Variants in SYN3 observed in about 807,000 individuals in gnomAD.
SYN3 encodes synapsin-3.
A neutral mutation model predicts 65.8 loss-of-function variants in SYN3; 35 were observed. That is an observed-to-expected ratio of 0.53 (90% CI 0.41 to 0.70). The LOEUF is 0.70. SYN3 is among the 30% of genes least tolerant of loss of function. The pLI is 0.00. For synonymous variants in SYN3, 270 were observed against 292.9 expected (o/e 0.92, Z 0.80); for missense variants, 680 against 749.0 (o/e 0.91, Z 1.08).
At chr22:32,538,440 C>T (rs2058200331) in intron 8 of SYN3, among the ~76,000 whole-genome samples, 2 of 152,112 alleles carry the variant, frequency 1.3e-5, no homozygotes, top group South Asian at 4.1e-4. Flanking sequence ...GTGTGTATAG[C>T]CCCTGGTGAT....
chr22:32,744,329 A>C (rs1236809383), intron 6 of SYN3, among the ~76,000 whole-genome samples: 1 of 152,188 alleles, frequency 6.6e-6, no homozygotes, highest in African/African-American at 2.4e-5. Context: ...CCAGGAGCCC[A>C]GTCCAAGCTA....
chr22:32,883,735 C>A (rs191184563), intron 4 of SYN3, among the ~76,000 whole-genome samples: 2 of 152,326 alleles, frequency 1.3e-5, no homozygotes, highest in Admixed American at 1.3e-4. Context: ...CCATTCAGTG[C>A]ACATTTACTG....
intron 6 of SYN3, among the ~76,000 whole-genome samples, chr22:32,713,634 T>C (rs2060995756): frequency 1.3e-5 from 2 of 151,940 alleles, no homozygotes; most frequent in African/African-American, 4.8e-5. Flanking sequence ...ATCGAGACCA[T>C]CCTGGCTAAC....
intron 6 of SYN3, among the ~76,000 whole-genome samples, chr22:32,818,733 G>A (rs529949082): frequency 5.3e-5 from 8 of 152,274 alleles, no homozygotes; most frequent in East Asian, 1.9e-4. Context: ...CACTGTGGCC[G>A]GCCTAGGGGG....
At chr22:32,626,971 C>T (rs1265246501) in intron 6 of SYN3, among the ~76,000 whole-genome samples, 1 of 152,150 alleles carries the variant, frequency 6.6e-6, no homozygotes, top group East Asian at 1.9e-4. Context: ...GTGTTGTCTC[C>T]CTGCACCCCC....
At chr22:32,696,473 T>C (rs1161947583) in intron 6 of SYN3, among the ~76,000 whole-genome samples, 3 of 152,334 alleles carry the variant, frequency 2.0e-5, no homozygotes, top group Admixed American at 6.5e-5. Context: ...GAATTTTCTG[T>C]TATATTTTCA....
At chr22:32,611,345 G>A (rs578048499) in intron 6 of SYN3, among the ~76,000 whole-genome samples, 26 of 141,852 alleles carry the variant, frequency 1.8e-4, no homozygotes, top group African/African-American at 5.3e-4. Flanking sequence ...CCAGGCTGGA[G>A]TGCAATGGCA....
intron 6 of SYN3, among the ~76,000 whole-genome samples, chr22:32,817,847 T>C (rs1422557623): frequency 6.6e-6 from 1 of 152,180 alleles, no homozygotes; most frequent in Non-Finnish European, 1.5e-5. Flanking sequence ...TAATGAACAG[T>C]AGGGGACATA....
At chr22:32,745,879 C>T (rs1370545388) in intron 6 of SYN3, among the ~76,000 whole-genome samples, 2 of 152,138 alleles carry the variant, frequency 1.3e-5, no homozygotes, top group Admixed American at 6.5e-5. Context: ...AAAGAGAAGA[C>T]GCTCCAGCCA....
At chr22:32,576,169 C>G (rs1296652591) in intron 7 of SYN3, among the ~76,000 whole-genome samples, 4 of 152,120 alleles carry the variant, frequency 2.6e-5, no homozygotes, top group Admixed American at 2.6e-4. Context: ...ACAGGGCTCC[C>G]AAGTATTCCT....
intron 6 of SYN3, among the ~76,000 whole-genome samples, chr22:32,686,237 T>G (rs2147133281): frequency 6.6e-6 from 1 of 152,250 alleles, no homozygotes; most frequent in Admixed American, 6.5e-5. Context: ...CCTCAACAGG[T>G]GTCATGTGGG....
chr22:33,040,034 CT>C (rs578015047), intron 1 of SYN3, among the ~76,000 whole-genome samples: 9,954 of 144,088 alleles, frequency 0.069, 1,037 homozygotes, highest in African/African-American at 0.23. Flanking sequence ...CTTTTTTTTT[CT>C]TTTTTTTTTT....
chr22:32,904,464 G>A (rs1356898388), intron 4 of SYN3, among the ~76,000 whole-genome samples: 1 of 152,112 alleles, frequency 6.6e-6, no homozygotes, highest in Admixed American at 6.6e-5. Context: ...TCTGCTGAAT[G>A]CCACACTCTA....
At chr22:32,831,620 C>T (rs376940220) in intron 6 of SYN3, among the ~76,000 whole-genome samples, 9 of 152,132 alleles carry the variant, frequency 5.9e-5, no homozygotes, top group African/African-American at 1.9e-4. Flanking sequence ...CTTATCTTCT[C>T]GGCATTCTTT....
At chr22:32,628,896 T>C (rs1012745871) in intron 6 of SYN3, among the ~76,000 whole-genome samples, 10 of 152,190 alleles carry the variant, frequency 6.6e-5, no homozygotes, top group Non-Finnish European at 1.2e-4. Context: ...GGGCCTTTTC[T>C]CTGAAGGAAG....
chr22:32,836,060 C>T (rs1466855582), intron 6 of SYN3, among the ~76,000 whole-genome samples: 1 of 152,218 alleles, frequency 6.6e-6, no homozygotes, highest in Non-Finnish European at 1.5e-5. Context: ...ATGAGCTTTG[C>T]TGCTGGGCAT....
At chr22:32,596,576 G>A in intron 7 of SYN3, 98 bp downstream of exon 7, 1 of 1,275,632 alleles carries the variant, frequency 7.8e-7, no homozygotes, top group Non-Finnish European at 1.1e-6. Flanking sequence ...CTGGGTGCCT[G>A]TGCTAAGGGG....
In SYN3 at chr22:33,046,090, G is replaced by T. The variant is rs1260152523; in HGVS notation, c.-163+12202C>A. 2.6e-5 allele frequency among the ~76,000 whole-genome samples: 4 copies of T among 151,400 alleles called. No homozygotes were observed. The East Asian group carries it at 7.7e-4, about 29-fold the overall frequency. ...GGAATGGTAAATATACACTTGAAAA[G>T]ATATTCAACATAATTAGCAAATTAG... is the stretch of plus-strand genomic sequence containing the variant. On this transcript the variant is annotated intron_variant, in intron 1 of 13. Transcript: ENST00000358763.
intron 6 of SYN3, chr22:32,863,184 C>T (rs1018263044): frequency 4.6e-5 from 7 of 152,514 alleles, no homozygotes; most frequent in Admixed American, 2.6e-4. Context: ...CCACCCTGCT[C>T]CAGTCCTTTT....
Sources: allele counts gnomAD v4.1 joint callset (sites outside exome capture counted in the v4.1 genomes callset), GRCh38; gene constraint gnomAD v4.1.1; transcripts MANE v1.5; gene names NCBI Gene and HGNC (gene_info 2026-07-23, HGNC 2026-07-21).